Variants in MYO9A observed in about 807,000 individuals in gnomAD.
MYO9A encodes the protein unconventional myosin-IXa.
Under a neutral mutation model 293.3 loss-of-function variants are expected in MYO9A, and 103 were observed. The observed-to-expected ratio is 0.35, with a 90% CI of 0.30 to 0.41. The LOEUF is 0.41. Among genes scored for constraint, MYO9A ranks in the 10% least tolerant of loss-of-function variants. MYO9A has a pLI of 1.00. For synonymous variants in MYO9A, 1,001 were observed against 1,035.7 expected (o/e 0.97, Z 0.64); for missense variants, 2,685 against 3,033.0 (o/e 0.89, Z 2.69).
intron 13 of MYO9A, among the ~76,000 whole-genome samples, chr15:71,965,462 C>A (rs1221844714): frequency 6.6e-6 from 1 of 152,092 alleles, no homozygotes; most frequent in Non-Finnish European, 1.5e-5. Context: ...TCATTAGCTA[C>A]ATATAATATC....
chr15:72,006,737 A>C (rs1447040141), intron 8 of MYO9A, among the ~76,000 whole-genome samples: 1 of 152,344 alleles, frequency 6.6e-6, no homozygotes, highest in African/African-American at 2.4e-5. Flanking sequence ...CATGACAAGA[A>C]AACAGCATGC....
chr15:71,917,164 A>G (rs917325151), intron 18 of MYO9A, among the ~76,000 whole-genome samples: 3 of 152,192 alleles, frequency 2.0e-5, no homozygotes, highest in Non-Finnish European at 2.9e-5. Context: ...ATCTACTGTA[A>G]TTACTGTTAT....
rs557842659 is a variant in MYO9A at position 71,833,547 on chromosome 15, C to A, written c.6838-3236G>T. ...AGTACTGAGAGAACAAGTATGCACA[C>A]GCAATCAGAAATGATGTAAAACTGA... is the stretch of plus-strand genomic sequence containing the variant. On this transcript the variant is annotated intron_variant, in intron 39 of 41. Coordinates refer to ENST00000356056, the MANE Select transcript of MYO9A (RefSeq NM_006901.4). 3.3e-5 allele frequency among the ~76,000 whole-genome samples: 5 copies of A among 152,104 alleles called. No individual in the cohort carries two copies. The South Asian group carries it at 1.0e-3, about 32-fold the overall frequency.
At chr15:72,117,083 G>A (rs1425484159) in intron 1 of MYO9A, 1 of 152,316 alleles carries the variant, frequency 6.6e-6, no homozygotes, top group Non-Finnish European at 1.5e-5. Context: ...GGAGAGGTCT[G>A]TTGAGAGAGG....
chr15:71,960,604 T>C (rs751334664), intron 13 of MYO9A, among the ~76,000 whole-genome samples: 1 of 152,226 alleles, frequency 6.6e-6, no homozygotes, highest in Non-Finnish European at 1.5e-5. Flanking sequence ...GTTTGAACAG[T>C]GGTTGAACAA....
chr15:71,849,526 G>A (rs966862252), intron 38 of MYO9A, among the ~76,000 whole-genome samples: 3 of 151,884 alleles, frequency 2.0e-5, no homozygotes, highest in Non-Finnish European at 2.9e-5. Context: ...CAGGCTACAC[G>A]CTACACCAAT....
intron 34 of MYO9A, among the ~76,000 whole-genome samples, chr15:71,855,769 C>G (rs2415125): frequency 1.3e-5 from 2 of 152,042 alleles, no homozygotes; most frequent in African/African-American, 4.8e-5. Context: ...ACTTTCTTGG[C>G]GAGTTTTCCC....
At chr15:72,114,485 G>A (rs2080895831) in intron 1 of MYO9A, 1 of 152,262 alleles carries the variant, frequency 6.6e-6, no homozygotes, top group East Asian at 1.9e-4. Flanking sequence ...GAGTGAAGCG[G>A]AGGGCAATTC....
At chr15:72,028,196 C>CAAAA (rs957923954) in intron 3 of MYO9A, among the ~76,000 whole-genome samples, 3 of 108,266 alleles carry the variant, frequency 2.8e-5, no homozygotes, top group East Asian at 2.6e-4. Flanking sequence ...GAATCTGTCT[C>CAAAA]AAAAAAATAA....
At chr15:72,052,832 C>A (rs2078606695) in intron 1 of MYO9A, among the ~76,000 whole-genome samples, 1 of 152,188 alleles carries the variant, frequency 6.6e-6, no homozygotes, top group African/African-American at 2.4e-5. Context: ...ACACACCCTC[C>A]TTTGGTAGGT....
At chr15:72,069,865 C>A (rs12901580) in intron 1 of MYO9A, among the ~76,000 whole-genome samples, 30,305 of 151,798 alleles carry the variant, frequency 0.2, 3,274 homozygotes, top group East Asian at 0.41. Context: ...CGCCTGTAAT[C>A]CCAGCACTTT....
chr15:72,099,909 C>CAAAA (rs34892673), intron 1 of MYO9A, among the ~76,000 whole-genome samples: 9 of 39,774 alleles, frequency 2.3e-4, no homozygotes, highest in Non-Finnish European at 2.8e-4. Context: ...GACTTGGTCT[C>CAAAA]AAAAAAAAAA....
At chr15:72,044,956 C>T (rs1441550280) in intron 2 of MYO9A, among the ~76,000 whole-genome samples, 5 of 152,290 alleles carry the variant, frequency 3.3e-5, no homozygotes, top group Middle Eastern at 3.4e-3. Flanking sequence ...CAATCTTCCA[C>T]ACCACCTTTT....
intron 18 of MYO9A, among the ~76,000 whole-genome samples, chr15:71,927,241 T>C (rs1022766156): frequency 7.2e-5 from 11 of 152,262 alleles, no homozygotes; most frequent in African/African-American, 2.7e-4. Flanking sequence ...GGACTGCTTA[T>C]ATATTCTAGA....
Position 72,095,818 on chromosome 15 carries a change from G to A in MYO9A, c.-72+21862C>T, listed in dbSNP as rs531341992. On this transcript the variant is annotated intron_variant, in intron 1 of 41. Transcript: ENST00000356056. ...ATCAAGGCCAGATGTGGTGGCTCAC[G>A]CCTGTAATCCCAGCACTTTGGGAGG... 4.1e-4 allele frequency among the ~76,000 whole-genome samples: 60 copies of A among 147,128 alleles called. 6 individuals carry two copies. The highest frequency in any genetic ancestry group is 1.5e-3 in the African/African-American group (60 of 41,266).
In MYO9A at chr15:71,830,324, A is replaced by G. The variant is rs760439363; in HGVS notation, c.6838-13T>C. 1 of 1,612,402 alleles carries G rather than the reference A, an allele frequency of 6.2e-7. No individual in the cohort carries two copies. Among genetic ancestry groups the G allele is most frequent in the Admixed American group, 1.7e-5 (1 of 59,848 alleles). ...TACGCCCCTTTCCCTGCAGAGAAAA[A>G]TTCATGTTAGAAAGTAAATTGAGTG... On this transcript the variant is annotated splice_polypyrimidine_tract_variant and intron_variant, in intron 39 of 41. Coordinates refer to ENST00000356056, the MANE Select transcript of MYO9A (RefSeq NM_006901.4).
intron 1 of MYO9A, among the ~76,000 whole-genome samples, chr15:72,111,050 T>G (rs2080762290): frequency 6.6e-6 from 1 of 151,426 alleles, no homozygotes; most frequent in South Asian, 2.1e-4. Flanking sequence ...TCCCAGCTAC[T>G]CGGGAGGCTG....
rs2054421155 is a variant in MYO9A, at chr15:71,825,127, A to ATATAT, written c.*1448_*1452dup. 1 of 152,200 alleles carries ATATAT rather than the reference A, an allele frequency of 6.6e-6. No homozygotes were observed. Among genetic ancestry groups the ATATAT allele is most frequent in the African/African-American group, 2.4e-5 (1 of 41,442 alleles). 9.4% of individuals were successfully genotyped at this position (152,200 alleles called of 1,614,324 possible). A position where few individuals can be genotyped will look rare whatever the true frequency, so the allele number is the denominator to read the frequency against. On this transcript the variant is annotated 3_prime_UTR_variant, in exon 42 of 42. Transcript: ENST00000356056. ...GAAAGGCTATCATGTTTCATTTTTT[A>ATATAT]TATATTATAAATAGCAAAAACAGAT...
chr15:71,857,450 T>C (rs2055906606), intron 34 of MYO9A, among the ~76,000 whole-genome samples: 1 of 152,160 alleles, frequency 6.6e-6, no homozygotes, highest in South Asian at 2.1e-4. Context: ...AAACAGAATA[T>C]TACCAAGCAG....
Sources: allele counts gnomAD v4.1 joint callset (sites outside exome capture counted in the v4.1 genomes callset), GRCh38; gene constraint gnomAD v4.1.1; transcripts MANE v1.5; gene names NCBI Gene and HGNC (gene_info 2026-07-23, HGNC 2026-07-21).